Variants in PAIP2B observed in about 807,000 individuals in gnomAD.
PAIP2B encodes poly(A) binding protein interacting protein 2B, also known as polyadenylate-binding protein-interacting protein 2B.
A neutral mutation model predicts 17.0 loss-of-function variants in PAIP2B; 13 were observed. The observed-to-expected ratio is 0.76, with a 90% CI of 0.50 to 1.22. PAIP2B has a LOEUF of 1.22. Among genes scored for constraint, PAIP2B ranks in the 50% most tolerant of loss-of-function variants. The pLI is 0.00. For synonymous variants in PAIP2B, 43 were observed against 48.7 expected (o/e 0.88, Z 0.48); for missense variants, 117 against 144.5 (o/e 0.81, Z 0.98).
chr2:71,218,451 T>C lies in PAIP2B; in HGVS notation c.-12+8477A>G, dbSNP rs557384732. On this transcript the variant is annotated intron_variant, in intron 1 of 3. Coordinates refer to ENST00000244221, the MANE Select transcript of PAIP2B (RefSeq NM_020459.1). ...CAAAAGCACTAGAAATTAAAGAAAA[T>C]GTAATTAAAACAATGAGATTTTCTG... Among the ~76,000 whole-genome samples the C allele has an allele frequency of 1.1e-4, 17 of 151,628 alleles. No individual in the cohort carries two copies. The South Asian group carries it at 3.5e-3, about 32-fold the overall frequency.
At chr2:71,215,319 A>G (rs1192294320) in intron 1 of PAIP2B, among the ~76,000 whole-genome samples, 1 of 152,108 alleles carries the variant, frequency 6.6e-6, no homozygotes, top group Admixed American at 6.6e-5. Context: ...GAAAAAATGC[A>G]GACTCCCCCC....
intron 1 of PAIP2B, among the ~76,000 whole-genome samples, chr2:71,218,850 TA>T (rs1675500986): frequency 6.6e-6 from 1 of 151,782 alleles, no homozygotes; most frequent in African/African-American, 2.4e-5. Context: ...TTTATATGCA[TA>T]AAAAAGTATA....
Position 71,186,291 on chromosome 2 carries a change from C to T in PAIP2B, c.*2188G>A, listed in dbSNP as rs1360102563. 6.6e-6 allele frequency: 1 copy of T among 152,240 alleles called. No individual in the cohort carries two copies. Among genetic ancestry groups the T allele is most frequent in the Admixed American group, 6.5e-5 (1 of 15,284 alleles). The allele number at this position is 152,240 out of a possible 1,614,324, so 9.4% of individuals were successfully genotyped here. ...ATAGATGGCAAAAAGAGTTGGACTA[C>T]AAGAGGAACCGCCGGAAGCAGAGTC... On this transcript the variant is annotated 3_prime_UTR_variant, in exon 4 of 4. Transcript: ENST00000244221.
chr2:71,184,679 G>C lies in PAIP2B; in HGVS notation c.*3800C>G, dbSNP rs1674487793. The stretch of plus-strand genomic sequence containing the variant: ...CTAATGATCCCTGTGAGCAATGCAG[G>C]GTGCAATGAGTCACATGGGGAAATG... On this transcript the variant is annotated 3_prime_UTR_variant, in exon 4 of 4. Coordinates refer to ENST00000244221, the MANE Select transcript of PAIP2B (RefSeq NM_020459.1). The C allele has an allele frequency of 6.6e-6, 1 of 152,162 alleles. No homozygotes were observed. Among genetic ancestry groups the C allele is most frequent in the African/African-American group, 2.4e-5 (1 of 41,428 alleles). The allele number at this position is 152,162 out of a possible 1,614,324, so 9.4% of individuals were successfully genotyped here. A position where few individuals can be genotyped will look rare whatever the true frequency, so the allele number is the denominator to read the frequency against.
intron 1 of PAIP2B, among the ~76,000 whole-genome samples, chr2:71,216,153 A>T (rs1225068729): frequency 6.6e-6 from 1 of 152,256 alleles, no homozygotes; most frequent in Non-Finnish European, 1.5e-5. Context: ...ATCTCAAGAT[A>T]CATGTCTAAT....
chr2:71,194,084 C>T (rs752743087), intron 2 of PAIP2B, among the ~76,000 whole-genome samples: 2 of 152,072 alleles, frequency 1.3e-5, no homozygotes, highest in Non-Finnish European at 2.9e-5. Flanking sequence ...TATGTGCCTG[C>T]TTTTGTACCA....
intron 1 of PAIP2B, among the ~76,000 whole-genome samples, chr2:71,211,490 G>A (rs1197135241): frequency 2.7e-5 from 4 of 150,456 alleles, no homozygotes; most frequent in East Asian, 3.9e-4. Context: ...ACAATTCCTC[G>A]AATATAGTGA....
chr2:71,189,249 G>A (rs1674620822), intron 3 of PAIP2B, among the ~76,000 whole-genome samples: 1 of 152,018 alleles, frequency 6.6e-6, no homozygotes, highest in African/African-American at 2.4e-5. Context: ...CAGACCTCAG[G>A]TGATCCACCC....
chr2:71,188,422 G>A lies in PAIP2B; in HGVS notation c.*57C>T. On this transcript the variant is annotated 3_prime_UTR_variant, in exon 4 of 4. Coordinates refer to ENST00000244221, the MANE Select transcript of PAIP2B (RefSeq NM_020459.1). ...TCCCCCTCTTCAGCTCCACCATTTT[G>A]TGCATTACTATCCCCAGATGTGGGG... is the stretch of plus-strand genomic sequence containing the variant. 1 of 1,117,080 alleles carries A rather than the reference G, an allele frequency of 9.0e-7. No homozygotes were observed. Among genetic ancestry groups the A allele is most frequent in the Non-Finnish European group, 1.3e-6 (1 of 776,878 alleles). 69.2% of individuals were successfully genotyped at this position (1,117,080 alleles called of 1,614,324 possible). A position where few individuals can be genotyped will look rare whatever the true frequency, so the allele number is the denominator to read the frequency against.
intron 2 of PAIP2B, among the ~76,000 whole-genome samples, chr2:71,197,496 G>T (rs1011480184): frequency 1.3e-5 from 2 of 152,266 alleles, no homozygotes; most frequent in Non-Finnish European, 2.9e-5. Flanking sequence ...TCTTGGGAAT[G>T]ATCTTCTTGT....
chr2:71,207,216 T>G (rs748610114), intron 1 of PAIP2B, among the ~76,000 whole-genome samples: 22 of 152,184 alleles, frequency 1.4e-4, no homozygotes, highest in Non-Finnish European at 2.6e-4. Flanking sequence ...GAGAGGGGGA[T>G]GGTTCAGAAA....
At chr2:71,193,762 G>C (rs1442754674) in intron 2 of PAIP2B, among the ~76,000 whole-genome samples, 1 of 152,088 alleles carries the variant, frequency 6.6e-6, no homozygotes, top group Non-Finnish European at 1.5e-5. Context: ...GCTGAGGCAG[G>C]AGAATGGCGA....
At chr2:71,189,686 A>C (rs936602548) in intron 3 of PAIP2B, among the ~76,000 whole-genome samples, 159 bp downstream of exon 3, 1 of 152,214 alleles carries the variant, frequency 6.6e-6, no homozygotes, top group Non-Finnish European at 1.5e-5. Flanking sequence ...TGCATCTTTA[A>C]TGCACCCCTT....
intron 1 of PAIP2B, among the ~76,000 whole-genome samples, chr2:71,207,593 A>C (rs1422498593): frequency 6.6e-6 from 1 of 152,190 alleles, no homozygotes; most frequent in Non-Finnish European, 1.5e-5. Flanking sequence ...AGAGACTGAG[A>C]GTTAATAATG....
At chr2:71,193,695 A>G (rs1371402956) in intron 2 of PAIP2B, among the ~76,000 whole-genome samples, 1 of 152,174 alleles carries the variant, frequency 6.6e-6, no homozygotes, top group Non-Finnish European at 1.5e-5. Context: ...CTGCTAAATA[A>G]TACAAAAAAT....
chr2:71,220,293 A>C (rs944505453), intron 1 of PAIP2B, among the ~76,000 whole-genome samples: 22 of 152,252 alleles, frequency 1.4e-4, no homozygotes, highest in African/African-American at 5.3e-4. Context: ...TGGACAAAGC[A>C]AATGTACTCT....
chr2:71,191,026 C>T (rs1351340361), intron 2 of PAIP2B, among the ~76,000 whole-genome samples: 8 of 152,174 alleles, frequency 5.3e-5, no homozygotes, highest in Non-Finnish European at 1.5e-5. Flanking sequence ...ATATTTTACA[C>T]TGCTTTGCAG....
intron 2 of PAIP2B, among the ~76,000 whole-genome samples, chr2:71,202,046 C>T (rs1674997262): frequency 6.6e-6 from 1 of 152,094 alleles, no homozygotes; most frequent in Non-Finnish European, 1.5e-5. Flanking sequence ...ACAAATCTAG[C>T]CAGAACAAGG....
intron 1 of PAIP2B, among the ~76,000 whole-genome samples, chr2:71,210,328 T>A (rs900518897): frequency 2.0e-5 from 3 of 152,352 alleles, no homozygotes; most frequent in South Asian, 4.1e-4. Context: ...GAAAATTTTT[T>A]AAAAGGTTCC....
Sources: allele counts gnomAD v4.1 joint callset (sites outside exome capture counted in the v4.1 genomes callset), GRCh38; gene constraint gnomAD v4.1.1; transcripts MANE v1.5; gene names NCBI Gene and HGNC (gene_info 2026-07-23, HGNC 2026-07-21).